GAD2: variants seen among roughly 807,000 people sequenced by gnomAD.
The protein encoded by GAD2 is glutamate decarboxylase 2, also known as 65 kDa glutamic acid decarboxylase.
Under a neutral mutation model 80.1 loss-of-function variants are expected in GAD2, and 22 were observed. The ratio of observed to expected loss-of-function variants is 0.27; its 90% confidence interval spans 0.20 to 0.39. GAD2 has a LOEUF of 0.39. GAD2 is among the 10% of genes least tolerant of loss of function. The probability of loss-of-function intolerance (pLI) is 1.00; values close to 1 mark genes in which losing one functional copy is unlikely to be tolerated. For synonymous variants in GAD2, 274 were observed against 256.9 expected (o/e 1.07, Z -0.64); for missense variants, 624 against 738.4 (o/e 0.85, Z 1.80).
rs1489656438 is a variant in GAD2, at chr10:26,270,650, C to T, written c.986C>T (p.Pro329Leu). The T allele has an allele frequency of 6.2e-7, 1 of 1,613,306 alleles. No individual in the cohort carries two copies. The highest frequency in any genetic ancestry group is 1.3e-5 in the African/African-American group (1 of 74,904). Reference sequence around the variant, plus strand: ...TTCTCGTTCGCACAGGGGTTTGTTCCTTTCCTCGTGAGTGCCACAGCTGGA... The same window carrying T: ...TTCTCGTTCGCACAGGGGTTTGTTCTTTTCCTCGTGAGTGCCACAGCTGGA... ...ILEAKQKGFVPFLVSATAGTT... is the reference protein window; with the variant it reads ...ILEAKQKGFVLFLVSATAGTT... Residue 329 changes from proline (P) to leucine (L), a missense_variant, in exon 10 of 16, where the codon CCT (proline) becomes CTT (leucine). Coordinates refer to ENST00000376261, the MANE Select transcript of GAD2 (RefSeq NM_001134366.2).
At chr10:26,234,546 G>A (rs1387545020) in intron 7 of GAD2, among the ~76,000 whole-genome samples, 1 of 152,138 alleles carries the variant, frequency 6.6e-6, no homozygotes, top group African/African-American at 2.4e-5. Context: ...TTCCTTTGAT[G>A]TGTCATCTAA....
At chr10:26,236,813 C>T (rs1844677959) in intron 7 of GAD2, among the ~76,000 whole-genome samples, 1 of 152,182 alleles carries the variant, frequency 6.6e-6, no homozygotes, top group African/African-American at 2.4e-5. Context: ...CTTCAGCACC[C>T]CTGCTCCTGT....
intron 7 of GAD2, among the ~76,000 whole-genome samples, chr10:26,240,668 G>T (rs1844729503): frequency 6.6e-6 from 1 of 150,804 alleles, no homozygotes; most frequent in South Asian, 2.1e-4. Context: ...GGAGGCGGAG[G>T]TTGCAGTGAG....
chr10:26,291,667 A>G (rs1421011367), intron 13 of GAD2, among the ~76,000 whole-genome samples: 1 of 152,054 alleles, frequency 6.6e-6, no homozygotes, highest in Non-Finnish European at 1.5e-5. Flanking sequence ...ACTGGCTTTT[A>G]CTCTTAAGCT....
chr10:26,270,541 C>T (rs766711268), intron 9 of GAD2, 99 bp from the exon 10 acceptor site: 17 of 850,174 alleles, frequency 2.0e-5, no homozygotes, highest in Non-Finnish European at 3.2e-5. Context: ...CAAATTCAGA[C>T]GTGTCTGTTA....
chr10:26,241,881 G>C (rs935406379), intron 7 of GAD2, among the ~76,000 whole-genome samples: 2 of 152,194 alleles, frequency 1.3e-5, no homozygotes, highest in Non-Finnish European at 2.9e-5. Flanking sequence ...GCTGCTGACA[G>C]ATGTAGTTGC....
chr10:26,287,947 G>A (rs752812242), intron 13 of GAD2, among the ~76,000 whole-genome samples: 1 of 152,228 alleles, frequency 6.6e-6, no homozygotes, highest in Non-Finnish European at 1.5e-5. Context: ...CAGGAGGGAA[G>A]TATACCAGGA....
intron 15 of GAD2, among the ~76,000 whole-genome samples, chr10:26,297,721 C>T (rs1488795315): frequency 6.6e-6 from 1 of 152,152 alleles, no homozygotes; most frequent in Non-Finnish European, 1.5e-5. Flanking sequence ...TATCAGTTTG[C>T]AAACTGGGAA....
chr10:26,270,836 T>TC, intron 10 of GAD2, 80 bp downstream of exon 10: 1 of 967,430 alleles, frequency 1.0e-6, no homozygotes. Flanking sequence ...ATTTGTTTTC[T>TC]CTTTTTTTAA....
chr10:26,264,050 A>T (rs1468887671), intron 8 of GAD2, among the ~76,000 whole-genome samples: 1 of 152,222 alleles, frequency 6.6e-6, no homozygotes, highest in East Asian at 1.9e-4. Context: ...TATAATGCTA[A>T]TAACAACAAT....
chr10:26,261,987 T>C (rs1181478413), intron 8 of GAD2, among the ~76,000 whole-genome samples: 1 of 152,180 alleles, frequency 6.6e-6, no homozygotes, highest in African/African-American at 2.4e-5. Context: ...AATCTTGAAT[T>C]TCCTTCAGGA....
rs111385745 is a variant in GAD2 at position 26,217,230 on chromosome 10, G to GA, written c.76+355dup. On this transcript the variant is annotated intron_variant, in intron 1 of 15. Coordinates refer to ENST00000376261, the MANE Select transcript of GAD2 (RefSeq NM_001134366.2). The surrounding 1 kb of genome is among the most constrained non-coding windows in gnomAD (Gnocchi z 4.9). Reference sequence around the variant, plus strand: ...GTGGGACGGAGTGACCGTGAAGATAGAAAAAAAAAATGGGAAAGGTGAGAG... The same window carrying GA: ...GTGGGACGGAGTGACCGTGAAGATAGAAAAAAAAAAATGGGAAAGGTGAGAG... Among the ~76,000 whole-genome samples the GA allele has an allele frequency of 0.039, 5,766 of 147,322 alleles. 340 individuals carry two copies. Among genetic ancestry groups the GA allele is most frequent in the African/African-American group, 0.13 (5,117 of 40,266 alleles).
In GAD2 at chr10:26,224,990, T is replaced by A. The variant is rs148009048; in HGVS notation, c.724+339T>A. On this transcript the variant is annotated intron_variant, in intron 6 of 15. Coordinates refer to ENST00000376261, the MANE Select transcript of GAD2 (RefSeq NM_001134366.2). ...TCAGGAAATTCACTCTCTGATGCTC[T>A]TCCTAGAATTAGTGAAAGGAAATGG... 2.3e-3 allele frequency among the ~76,000 whole-genome samples: 353 copies of A among 152,342 alleles called. 4 individuals are homozygous for A. The highest frequency in any genetic ancestry group is 7.4e-3 in the African/African-American group (306 of 41,592).
chr10:26,219,441 G>T, intron 4 of GAD2, 165 bp downstream of exon 4: 1 of 545,870 alleles, frequency 1.8e-6, no homozygotes, highest in Non-Finnish European at 3.2e-6. Context: ...CTAATCCAAA[G>T]CACCTTCCAC....
At chr10:26,261,179 A>G (rs1845005469) in intron 8 of GAD2, among the ~76,000 whole-genome samples, 1 of 152,168 alleles carries the variant, frequency 6.6e-6, no homozygotes, top group Non-Finnish European at 1.5e-5. Flanking sequence ...AAACATTTCA[A>G]TTTTTGGTAG....
intron 11 of GAD2, among the ~76,000 whole-genome samples, chr10:26,276,913 C>T (rs1448144610): frequency 6.6e-6 from 1 of 152,198 alleles, no homozygotes; most frequent in Non-Finnish European, 1.5e-5. Flanking sequence ...CACAGCACAA[C>T]GCACTGCATG....
chr10:26,216,876 C>G lies in GAD2; in HGVS notation c.67C>G (p.Pro23Ala), dbSNP rs1844378292. The G allele has an allele frequency of 1.9e-6, 3 of 1,610,950 alleles. No individual in the cohort carries two copies. The South Asian group carries it at 3.3e-5, about 18-fold the overall frequency. Residue 23 changes from proline (P) to alanine (A), a missense_variant, in exon 1 of 16, where the codon CCC becomes GCC. Transcript: ENST00000376261. The surrounding 1 kb of genome is among the most constrained non-coding windows in gnomAD (Gnocchi z 4.7). ...AGATGGCTCTGGGGATTCCGAGAATCCCGGCACAGGTAGGAAGGAGAACGG... is the reference window on the plus strand; with the variant it reads ...AGATGGCTCTGGGGATTCCGAGAATGCCGGCACAGGTAGGAAGGAGAACGG... ...SEDGSGDSEN[P>A]GTARAWCQVA...
intron 7 of GAD2, among the ~76,000 whole-genome samples, chr10:26,245,541 G>A (rs1471790893): frequency 3.3e-5 from 5 of 151,494 alleles, no homozygotes; most frequent in South Asian, 4.2e-4. Context: ...GAATTCAAGC[G>A]ATTCTCCTGC....
chr10:26,261,116 A>G (rs764872154), intron 8 of GAD2, among the ~76,000 whole-genome samples: 35 of 152,204 alleles, frequency 2.3e-4, no homozygotes, highest in Non-Finnish European at 4.3e-4. Context: ...TATGTTGCAA[A>G]TGTTTTCTAA....
Sources: gnomAD v4.1 joint callset for allele counts (sites outside exome capture counted in the v4.1 genomes callset) on GRCh38, gnomAD v4.1.1 for gene constraint, Gnocchi (gnomAD v3.1) non-coding constraint, MANE v1.5 for transcripts, NCBI Gene and HGNC (gene_info 2026-07-23, HGNC 2026-07-21) for gene names.